Variants in ZNF229 observed in about 807,000 individuals in gnomAD.
The protein encoded by ZNF229 is zinc finger protein 229.
In ZNF229, 10 loss-of-function variants were observed where a neutral mutation model predicts 11.8. The ratio of observed to expected loss-of-function variants is 0.85; its 90% CI spans 0.52 to 1.44. ZNF229 has a LOEUF of 1.44. Ranked by LOEUF, ZNF229 falls within the 40% of genes most tolerant of loss-of-function variation. The probability of loss-of-function intolerance (pLI) is 0.00; values close to 1 mark genes in which losing one functional copy is unlikely to be tolerated. For synonymous variants in ZNF229, 368 were observed against 374.8 expected (o/e 0.98, Z 0.21); for missense variants, 1,045 against 1,015.1 (o/e 1.03, Z -0.40).
chr19:44,429,858 A>C lies in ZNF229; in HGVS notation c.923T>G (p.Leu308Arg). 6.2e-7 allele frequency: 1 copy of C among 1,614,072 alleles called. No homozygotes were observed. The highest frequency in any genetic ancestry group is 1.1e-5 in the South Asian group (1 of 91,070). The change falls in exon 6 of 6, where the codon CTT becomes CGT. Residue 308 changes from leucine (L) to arginine (R), a missense_variant. Physicochemically the swap from Leu to Arg is moderately radical, Grantham distance 102. Transcript: ENST00000614049. ...FSEGLRHSAHLNRHQRVPTGE... is the reference protein window; with the variant it reads ...FSEGLRHSAHRNRHQRVPTGE... Reference sequence around the variant, plus strand: ...TGTGGGAACTCTTTGATGTCTGTTAAGATGGGCACTGTGCCTCAAGCCCTC... The same window carrying C: ...TGTGGGAACTCTTTGATGTCTGTTACGATGGGCACTGTGCCTCAAGCCCTC...
rs933246193 is a variant in ZNF229, at chr19:44,427,531, A to T, written c.*772T>A. The T allele has an allele frequency of 2.0e-4, 30 of 152,282 alleles. 1 individual carries two copies. Among genetic ancestry groups the T allele is most frequent in the Admixed American group, 1.2e-3 (19 of 15,298 alleles). The allele number at this position is 152,282 out of a possible 1,614,324, so 9.4% of individuals were successfully genotyped here. A position where few individuals can be genotyped will look rare whatever the true frequency, so the allele number is the denominator to read the frequency against. ...AAGTCATTTTTTTAAAGTGAAAAAA[A>T]ATCAGCATTTCAAAGACGCCACATT... is the stretch of plus-strand genomic sequence containing the variant. On this transcript the variant is annotated 3_prime_UTR_variant, in exon 6 of 6. Transcript: ENST00000614049.
At chr19:44,438,969 G>A (rs1162012356) in intron 4 of ZNF229, among the ~76,000 whole-genome samples, 4 of 152,154 alleles carry the variant, frequency 2.6e-5, no homozygotes, top group African/African-American at 9.7e-5. Flanking sequence ...GTGGGTTGTG[G>A]GAACCCCAAC....
chr19:44,433,424 A>T (rs973235666), intron 4 of ZNF229, among the ~76,000 whole-genome samples: 2 of 152,038 alleles, frequency 1.3e-5, no homozygotes, highest in Non-Finnish European at 2.9e-5. Context: ...TGTAATCCCC[A>T]GTACTAGGAA....
At position 44,429,312 on chromosome 19, in the gene ZNF229, T is replaced by G. The variant is rs769665011; in HGVS notation, c.1469A>C (p.Gln490Pro). 6.2e-7 allele frequency: 1 copy of G among 1,613,814 alleles called. No homozygotes were observed. Among genetic ancestry groups the G allele is most frequent in the Non-Finnish European group, 8.5e-7 (1 of 1,179,966 alleles). ...QKTHTGERPYQCDKCGKGFSH... is the reference protein window; with the variant it reads ...QKTHTGERPYPCDKCGKGFSH... Reference sequence around the variant, plus strand: ...GAAACCTTTGCCACACTTGTCACACTGGTAGGGCCTCTCGCCGGTGTGTGT... The same window carrying G: ...GAAACCTTTGCCACACTTGTCACACGGGTAGGGCCTCTCGCCGGTGTGTGT... The change falls in exon 6 of 6, where the codon CAG becomes CCG. Residue 490 changes from glutamine (Q) to proline (P), a missense_variant. By Grantham distance (76) the Gln-to-Pro change is moderately conservative. Transcript: ENST00000614049.
At chr19:44,448,570 C>T (rs540340867), upstream of ZNF229, 1 of 152,166 alleles carries the variant, frequency 6.6e-6, no homozygotes, top group African/African-American at 2.4e-5. Flanking sequence ...GCGATGGTGT[C>T]GTAAATGCGC....
chr19:44,431,772 G>T, intron 5 of ZNF229: 1 of 988,702 alleles, frequency 1.0e-6, no homozygotes, highest in Non-Finnish European at 1.2e-6. Flanking sequence ...CTCACCTGGA[G>T]ATGCATTTCT....
rs1478387055 is a variant in ZNF229 at position 44,448,461 on chromosome 19, A to C, written c.-418T>G. On this transcript the variant is annotated 5_prime_UTR_variant, in exon 1 of 6. Transcript: ENST00000614049. The stretch of plus-strand genomic sequence containing the variant: ...TAAGACGCCTCACCACTGCCTAAGA[A>C]GCAATCAAGGTGACGCGCCCACCGG... 1 of 152,066 alleles carries C rather than the reference A, an allele frequency of 6.6e-6. No individual in the cohort carries two copies. Among genetic ancestry groups the C allele is most frequent in the Non-Finnish European group, 1.5e-5 (1 of 68,046 alleles). 9.4% of individuals were successfully genotyped at this position (152,066 alleles called of 1,614,324 possible).
Position 44,428,999 on chromosome 19 carries a change from G to T in ZNF229, c.1782C>A (p.His594Gln). 6.2e-7 allele frequency: 1 copy of T among 1,613,838 alleles called. No individual in the cohort carries two copies. The highest frequency in any genetic ancestry group is 1.7e-4 in the Middle Eastern group (1 of 6,060). Reference protein sequence around the residue: ...NSDLHSHQRVHTGERPYVCDV... With the variant: ...NSDLHSHQRVQTGERPYVCDV... ...CACACACGTAGGGCCTCTCTCCCGT[G>T]TGGACCCTCTGGTGGCTGTGAAGGT... Residue 594 changes from histidine to glutamine, a missense_variant, in exon 6 of 6, where the codon CAC (histidine) becomes CAA (glutamine). Physicochemically the swap from His to Gln is conservative, Grantham distance 24. Coordinates refer to ENST00000614049, the MANE Select transcript of ZNF229 (RefSeq NM_014518.4).
Position 44,429,202 on chromosome 19 carries a change from T to G in ZNF229, c.1579A>C (p.Ser527Arg). 3.7e-6 allele frequency: 6 copies of G among 1,614,084 alleles called. No homozygotes were observed. The highest frequency in any genetic ancestry group is 4.2e-6 in the Non-Finnish European group (5 of 1,180,026). The change falls in exon 6 of 6, where the codon AGT becomes CGT. Residue 527 changes from serine to arginine, a missense_variant. By Grantham distance (110) the Ser-to-Arg change is moderately radical. Coordinates refer to ENST00000614049, the MANE Select transcript of ZNF229 (RefSeq NM_014518.4). ...YKCNVCGKSF[S>R]YSSGLLMHQR... Reference sequence around the variant, plus strand: ...TGCATGAGAAGCCCTGAGCTGTAACTGAAACTCTTACCACACACGTTACAT... The same window carrying G: ...TGCATGAGAAGCCCTGAGCTGTAACGGAAACTCTTACCACACACGTTACAT...
chr19:44,429,323 C>G lies in ZNF229; in HGVS notation c.1458G>C (p.Glu486Asp), dbSNP rs952273305. 5.0e-6 allele frequency: 8 copies of G among 1,614,112 alleles called. No individual in the cohort carries two copies. Among genetic ancestry groups the G allele is most frequent in the Non-Finnish European group, 1.7e-6 (2 of 1,179,986 alleles). The change falls in exon 6 of 6, where the codon GAG (glutamate) becomes GAC (aspartate). Residue 486 changes from glutamate (E) to aspartate (D), a missense_variant. Glu to Asp is a conservative substitution (Grantham distance 45). Coordinates refer to ENST00000614049, the MANE Select transcript of ZNF229 (RefSeq NM_014518.4). ...CACACTTGTCACACTGGTAGGGCCT[C>G]TCGCCGGTGTGTGTCTTCTGATGAC... ...LSSHQKTHTG[E>D]RPYQCDKCGK...
chr19:44,430,053 T>C lies in ZNF229; in HGVS notation c.728A>G (p.Asn243Ser), dbSNP rs575839245. 1.4e-5 allele frequency: 22 copies of C among 1,614,212 alleles called. No individual in the cohort carries two copies. In the South Asian group the frequency reaches 2.1e-4, roughly 15 times the overall value. ...FPEIDKPCGCNKCRKDCIKNS... is the reference protein window; with the variant it reads ...FPEIDKPCGCSKCRKDCIKNS... ...TTTAATGCAGTCTTTTCTGCATTTA[T>C]TGCAACCACACGGCTTGTCTATTTC... Residue 243 changes from asparagine to serine, a missense_variant, in exon 6 of 6, where the codon AAT (asparagine) becomes AGT (serine). By Grantham distance (46) the Asn-to-Ser change is conservative. Coordinates refer to ENST00000614049, the MANE Select transcript of ZNF229 (RefSeq NM_014518.4).
intron 4 of ZNF229, among the ~76,000 whole-genome samples, chr19:44,438,625 C>A (rs929220660): frequency 1.3e-5 from 2 of 152,090 alleles, no homozygotes; most frequent in African/African-American, 2.4e-5. Context: ...GGGCTGCTTA[C>A]TGGAAAGAAC....
intron 2 of ZNF229, among the ~76,000 whole-genome samples, chr19:44,447,095 G>A (rs2722699): frequency 0.051 from 7,702 of 152,162 alleles, 432 homozygotes; most frequent in East Asian, 0.28. Context: ...GTGACATGGG[G>A]ATAATAGCTA....
Position 44,442,569 on chromosome 19 carries a change from C to T in ZNF229, c.87G>A (p.Met29Ile), listed in dbSNP as rs200350014. 1.9e-6 allele frequency: 3 copies of T among 1,614,076 alleles called. No homozygotes were observed. The highest frequency in any genetic ancestry group is 2.7e-5 in the African/African-American group (2 of 75,016). ...AISQDREEKI[M>I]SQEPLSFKDV... is the part of the protein sequence containing the mutation. ...AGAAAAGAAAACAACCCACCTGAGA[C>T]ATGATCTTCTCCTCCCTATCTTGGG... is the stretch of plus-strand genomic sequence containing the variant. Residue 29 changes from methionine (M) to isoleucine (I), a missense_variant, in exon 4 of 6, where the codon ATG becomes ATA. Coordinates refer to ENST00000614049, the MANE Select transcript of ZNF229 (RefSeq NM_014518.4).
chr19:44,428,455 C>T lies in ZNF229; in HGVS notation c.2326G>A (p.Gly776Ser), dbSNP rs767064862. 2 of 1,613,996 alleles carry T rather than the reference C, an allele frequency of 1.2e-6. No individual in the cohort carries two copies. The highest frequency in any genetic ancestry group is 2.2e-5 in the South Asian group (2 of 91,072). The stretch of plus-strand genomic sequence containing the variant: ...TGAAGACAGGAGTTGCGGCCAAAGC[C>T]CTTCCCACACTCCTCACATTTATAG... ...KPYKCEECGK[G>S]FGRNSCLHVH... is the part of the protein sequence containing the mutation. Residue 776 changes from glycine (G) to serine (S), a missense_variant, in exon 6 of 6, where the codon GGC becomes AGC. Gly to Ser is a moderately conservative substitution (Grantham distance 56). Coordinates refer to ENST00000614049, the MANE Select transcript of ZNF229 (RefSeq NM_014518.4).
Position 44,428,297 on chromosome 19 carries a change from G to C in ZNF229, c.*6C>G. 6.3e-7 allele frequency: 1 copy of C among 1,599,692 alleles called. No homozygotes were observed. Among genetic ancestry groups the C allele is most frequent in the Non-Finnish European group, 8.5e-7 (1 of 1,170,984 alleles). On this transcript the variant is annotated 3_prime_UTR_variant, in exon 6 of 6. Coordinates refer to ENST00000614049, the MANE Select transcript of ZNF229 (RefSeq NM_014518.4). ...CTGAGTCCCAGATGGAATCCTCTAT[G>C]TACATCTACTTATAAGGGTTCTCGC...
In ZNF229 at chr19:44,442,543, GAGAAA is replaced by G; in HGVS notation, c.93+15_93+19del. ...TGATGCCTAAGGTGGTATTTCGGGA[GAGAAA>G]AGAAAACAACCCACCTGAGACATGA... On this transcript the variant is annotated intron_variant, in intron 4 of 5. Coordinates refer to ENST00000614049, the MANE Select transcript of ZNF229 (RefSeq NM_014518.4). 6.2e-7 allele frequency: 1 copy of G among 1,613,400 alleles called. No homozygotes were observed. The highest frequency in any genetic ancestry group is 8.5e-7 in the Non-Finnish European group (1 of 1,179,440).
chr19:44,444,203 G>A (rs573547829), intron 2 of ZNF229, among the ~76,000 whole-genome samples: 1 of 152,268 alleles, frequency 6.6e-6, no homozygotes, highest in South Asian at 2.1e-4. Context: ...CAAAGACAGT[G>A]GACATGAGTT....
rs574209958 is a variant in ZNF229 at position 44,429,510 on chromosome 19, T to G, written c.1271A>C (p.Gln424Pro). Residue 424 changes from glutamine to proline, a missense_variant, in exon 6 of 6, where the codon CAG becomes CCG. Transcript: ENST00000614049. The part of the protein sequence containing the change: ...FSYSSVLQVH[Q>P]RLHTGEKPYT... ...GGGCTTCTCCCCTGTGTGCAGCCTC[T>G]GATGGACTTGAAGCACTGAGCTGTA... 2.0e-5 allele frequency: 33 copies of G among 1,612,104 alleles called. No individual in the cohort carries two copies. In the Admixed American group the frequency reaches 4.0e-4, roughly 20 times the overall value.
Sources: gnomAD v4.1 joint callset for allele counts (sites outside exome capture counted in the v4.1 genomes callset) on GRCh38, gnomAD v4.1.1 for gene constraint, MANE v1.5 for transcripts, NCBI Gene and HGNC (gene_info 2026-07-23, HGNC 2026-07-21) for gene names.